The following KRT80 variants were observed in gnomAD, a reference collection of about 807,000 sequenced individuals.
The protein encoded by KRT80 is keratin, type II cytoskeletal 80.
Under a neutral mutation model 51.5 loss-of-function variants are expected in KRT80, and 36 were observed. The observed-to-expected ratio is 0.70, with a 90% CI of 0.54 to 0.92. The LOEUF (loss-of-function observed/expected upper bound fraction) is 0.92, where lower values mean the gene tolerates loss of function less well. Ranked by LOEUF, KRT80 falls within the 40% of genes least tolerant of loss-of-function variation. The pLI, the probability that KRT80 is intolerant of heterozygous loss-of-function variation, is 0.00. For missense variants in KRT80, 566 were observed against 591.7 expected, an observed-to-expected ratio of 0.96 and a Z score of 0.45; for synonymous variants, 235 against 248.3, an observed-to-expected ratio of 0.95 and a Z score of 0.50.
intron 4 of KRT80, among the ~76,000 whole-genome samples, chr12:52,179,836 C>T (rs1209591461): frequency 2.6e-5 from 4 of 152,166 alleles, no homozygotes; most frequent in Non-Finnish European, 5.9e-5. Flanking sequence ...GGAGTGTCAC[C>T]CCTGAACCTC....
chr12:52,178,937 C>T (rs756507163), intron 4 of KRT80, among the ~76,000 whole-genome samples: 7 of 152,104 alleles, frequency 4.6e-5, no homozygotes, highest in Middle Eastern at 6.9e-3. Flanking sequence ...AAAGGGAACC[C>T]ACAGGCCTGG....
chr12:52,173,486 A>G, intron 5 of KRT80, 114 bp downstream of exon 5: 2 of 1,005,154 alleles, frequency 2.0e-6, no homozygotes, highest in Non-Finnish European at 2.9e-6. Flanking sequence ...TTCCTCTCTC[A>G]TAGACTTTCA....
At chr12:52,187,143 G>A (rs964495837) in intron 1 of KRT80, among the ~76,000 whole-genome samples, 2 of 152,262 alleles carry the variant, frequency 1.3e-5, no homozygotes, top group South Asian at 4.1e-4. Flanking sequence ...TGGAGGCCTG[G>A]TTGGGGCCTG....
intron 6 of KRT80, 72 bp from the exon 7 acceptor site, chr12:52,172,490 T>G: frequency 7.1e-7 from 1 of 1,405,732 alleles, no homozygotes; most frequent in South Asian, 1.3e-5. Flanking sequence ...CCAGGAGTCG[T>G]CTCTGTCCTT....
chr12:52,176,531 G>T (rs547701730), intron 4 of KRT80, among the ~76,000 whole-genome samples: 2 of 151,098 alleles, frequency 1.3e-5, no homozygotes, highest in South Asian at 2.1e-4. Context: ...GCCCAGGTTG[G>T]AGTGTGGTGG....
At chr12:52,181,368 C>G (rs1298269560) in intron 2 of KRT80, among the ~76,000 whole-genome samples, 1 of 152,208 alleles carries the variant, frequency 6.6e-6, no homozygotes, top group Non-Finnish European at 1.5e-5. Flanking sequence ...CTTGCTCACA[C>G]CTCACCTCTC....
intron 4 of KRT80, among the ~76,000 whole-genome samples, chr12:52,177,528 C>T (rs1050365554): frequency 5.9e-5 from 9 of 152,034 alleles, no homozygotes; most frequent in Non-Finnish European, 8.8e-5. Flanking sequence ...CAGCCTGTGC[C>T]CCCAGGGGAG....
intron 2 of KRT80, among the ~76,000 whole-genome samples, chr12:52,181,231 C>T (rs1941316266): frequency 6.6e-6 from 1 of 152,158 alleles, no homozygotes. Context: ...TGGCTCTGCT[C>T]CACACCCACT....
intron 4 of KRT80, among the ~76,000 whole-genome samples, chr12:52,180,298 C>G (rs992883003): frequency 1.3e-5 from 2 of 152,108 alleles, no homozygotes; most frequent in Non-Finnish European, 2.9e-5. Flanking sequence ...TTTGGGGAAC[C>G]AGCCCATGTT....
At chr12:52,188,406 G>A (rs1004529085) in intron 1 of KRT80, among the ~76,000 whole-genome samples, 1 of 152,218 alleles carries the variant, frequency 6.6e-6, no homozygotes, top group African/African-American at 2.4e-5. Flanking sequence ...GGGGGAAACC[G>A]AGCAGCCTAA....
intron 4 of KRT80, among the ~76,000 whole-genome samples, chr12:52,178,715 G>A (rs990536291): frequency 1.3e-5 from 2 of 152,232 alleles, no homozygotes; most frequent in African/African-American, 4.8e-5. Context: ...TCAGTGCCTG[G>A]CACTTAGTAG....
chr12:52,171,692 A>G lies in KRT80; in HGVS notation c.1200T>C (p.Thr400=), dbSNP rs1032752891. The change falls in exon 8 of 9, where the codon ACT becomes ACC. Residue 400 remains threonine, a synonymous_variant. Coordinates refer to ENST00000394815, the MANE Select transcript of KRT80 (RefSeq NM_182507.3). ...ACCTGGACTGCACAGCGCTGACCAC[A>G]GTGGCTGAGGGCGAGTCCATCCTGG... ...EEGRMDSPSA[T]VVSAVQSRCK... 15 of 1,164,118 alleles carry G rather than the reference A, an allele frequency of 1.3e-5. No individual in the cohort carries two copies. In the Admixed American group the frequency reaches 2.6e-4, roughly 20 times the overall value. The allele number at this position is 1,164,118 out of a possible 1,614,324, so 72.1% of individuals were successfully genotyped here.
intron 4 of KRT80, among the ~76,000 whole-genome samples, chr12:52,177,024 T>C (rs1449516210): frequency 3.3e-5 from 5 of 152,210 alleles, no homozygotes; most frequent in Admixed American, 3.3e-4. Flanking sequence ...AATTGAGGCA[T>C]ATAGAGATAA....
intron 5 of KRT80, among the ~76,000 whole-genome samples, 155 bp downstream of exon 5, chr12:52,173,445 C>T (rs981421452): frequency 1.3e-5 from 2 of 152,096 alleles, no homozygotes; most frequent in Non-Finnish European, 2.9e-5. Context: ...CTGTGGTCTC[C>T]CCCCGCCCGC....
At chr12:52,185,680 C>A in intron 1 of KRT80, 93 bp from the exon 2 acceptor site, 2 of 1,540,912 alleles carry the variant, frequency 1.3e-6, no homozygotes, top group South Asian at 2.4e-5. Context: ...GGAGGGCTCC[C>A]TGGGAAGTGG....
At chr12:52,185,344 G>A in intron 2 of KRT80, 35 bp downstream of exon 2, 1 of 1,578,074 alleles carries the variant, frequency 6.3e-7, no homozygotes, top group Admixed American at 1.7e-5. Context: ...CCAGCCCTCA[G>A]GCCTTGCTCA....
At chr12:52,179,849 C>T (rs1861316966) in intron 4 of KRT80, among the ~76,000 whole-genome samples, 1 of 152,212 alleles carries the variant, frequency 6.6e-6, no homozygotes, top group African/African-American at 2.4e-5. Context: ...TGAACCTCCT[C>T]ACCCTTGAAA....
intron 1 of KRT80, among the ~76,000 whole-genome samples, chr12:52,187,797 C>A (rs1339320507): frequency 6.6e-6 from 1 of 152,138 alleles, no homozygotes; most frequent in Non-Finnish European, 1.5e-5. Context: ...GCTCACCCCA[C>A]CTTGCCTCCG....
intron 4 of KRT80, among the ~76,000 whole-genome samples, chr12:52,175,208 A>T (rs1163834706): frequency 6.6e-6 from 1 of 151,854 alleles, no homozygotes; most frequent in Non-Finnish European, 1.5e-5. Flanking sequence ...TGTAATCTCC[A>T]TTTCTCTCTT....
Sources: gnomAD v4.1 joint callset for allele counts (sites outside exome capture counted in the v4.1 genomes callset) on GRCh38, gnomAD v4.1.1 for gene constraint, MANE v1.5 for transcripts, NCBI Gene and HGNC (gene_info 2026-07-23, HGNC 2026-07-21) for gene names.